Variants in SCN11A observed in about 807,000 individuals in gnomAD.
The protein encoded by SCN11A is sodium voltage-gated channel alpha subunit 11, also known as sodium channel protein type 11 subunit alpha.
In SCN11A, 122 loss-of-function variants were observed where a neutral mutation model predicts 162.2. The observed-to-expected ratio is 0.75, with a 90% CI of 0.65 to 0.87. The LOEUF is 0.87. Ranked by LOEUF, SCN11A falls within the 40% of genes least tolerant of loss-of-function variation. The pLI is 0.00. For missense variants in SCN11A, 2,015 were observed against 2,181.6 expected, an observed-to-expected ratio of 0.92 and a Z score of 1.52; for synonymous variants, 758 against 751.5, an observed-to-expected ratio of 1.01 and a Z score of -0.14.
rs2126074577 is a variant in SCN11A, at chr3:38,846,169, A to AGTGGCAC, written c.*518_*524dup. On this transcript the variant is annotated 3_prime_UTR_variant, in exon 30 of 30. Coordinates refer to ENST00000302328, the MANE Select transcript of SCN11A (RefSeq NM_001349253.2). ...TCACTCTGTCACCAGGCTGGAGTGC[A>AGTGGCAC]GTGGCACGATCTTGGCTCACTGCAA... is the stretch of plus-strand genomic sequence containing the variant. 1 of 153,582 alleles carries AGTGGCAC rather than the reference A, an allele frequency of 6.5e-6. No homozygotes were observed. Among genetic ancestry groups the AGTGGCAC allele is most frequent in the South Asian group, 2.0e-4 (1 of 4,928 alleles). The allele number at this position is 153,582 out of a possible 1,614,324, so 9.5% of individuals were successfully genotyped here. A position where few individuals can be genotyped will look rare whatever the true frequency, so the allele number is the denominator to read the frequency against.
At chr3:38,977,044 A>G (rs2066853940) in intron 2 of SCN11A, among the ~76,000 whole-genome samples, 1 of 152,192 alleles carries the variant, frequency 6.6e-6, no homozygotes, top group Non-Finnish European at 1.5e-5. Flanking sequence ...TGAGCATCCA[A>G]CTTCTCAAAA....
At position 38,976,792 on chromosome 3, in the gene SCN11A, C is replaced by A. The variant is rs981520913; in HGVS notation, c.-279-16369G>T. 2.0e-5 allele frequency among the ~76,000 whole-genome samples: 3 copies of A among 152,160 alleles called. No individual in the cohort carries two copies. The South Asian group carries it at 6.2e-4, about 32-fold the overall frequency. On this transcript the variant is annotated intron_variant, in intron 2 of 29. Coordinates refer to ENST00000302328, the MANE Select transcript of SCN11A (RefSeq NM_001349253.2). ...ACACTTGCACCCAGGATCTCTAATT[C>A]TTCTTGCTCATCATGCCCAGCAATT...
At chr3:38,978,334 C>T (rs1279658094) in intron 2 of SCN11A, among the ~76,000 whole-genome samples, 1 of 152,142 alleles carries the variant, frequency 6.6e-6, no homozygotes, top group East Asian at 1.9e-4. Context: ...CTGTATGTCA[C>T]TCCTGTTCAT....
intron 23 of SCN11A, among the ~76,000 whole-genome samples, chr3:38,872,811 G>A (rs1053690670): frequency 1.3e-4 from 20 of 151,764 alleles, no homozygotes; most frequent in African/African-American, 4.6e-4. Context: ...AGTTTAGGGG[G>A]AAAAAAAGAG....
rs1205796789 is a variant in SCN11A, at chr3:38,960,272, A to G, written c.-139+11T>C. Among the ~76,000 whole-genome samples the G allele has an allele frequency of 3.3e-5, 5 of 152,188 alleles. No individual in the cohort carries two copies. The East Asian group carries it at 9.6e-4, about 29-fold the overall frequency. On this transcript the variant is annotated intron_variant, in intron 3 of 29. Transcript: ENST00000302328. ...AACAGAACAGGCCTGCACCCGGCCCAGAGGACTTACCTGACTTCTTGGTAA... is the reference window on the plus strand; with the variant it reads ...AACAGAACAGGCCTGCACCCGGCCCGGAGGACTTACCTGACTTCTTGGTAA...
chr3:38,968,190 C>T (rs1297805056), intron 2 of SCN11A, among the ~76,000 whole-genome samples: 1 of 152,160 alleles, frequency 6.6e-6, no homozygotes, highest in South Asian at 2.1e-4. Context: ...TCTCAGTGTT[C>T]ACTGGTTTTC....
chr3:38,945,868 C>T (rs2066509476), intron 6 of SCN11A, among the ~76,000 whole-genome samples: 1 of 152,134 alleles, frequency 6.6e-6, no homozygotes. Context: ...CTTTGTTTTC[C>T]CCCCTTCTGC....
chr3:39,044,922 T>TAA (rs146431374), intron 1 of SCN11A, among the ~76,000 whole-genome samples: 1 of 151,134 alleles, frequency 6.6e-6, no homozygotes, highest in Non-Finnish European at 1.5e-5. Flanking sequence ...AGAGTAATTT[T>TAA]AAAAAAAGAG....
chr3:39,004,495 A>T (rs979893597), intron 2 of SCN11A, among the ~76,000 whole-genome samples: 1 of 151,982 alleles, frequency 6.6e-6, no homozygotes, highest in African/African-American at 2.4e-5. Flanking sequence ...GATTGTCTTG[A>T]GTATTTGGGC....
chr3:38,859,624 C>T (rs35277257), intron 28 of SCN11A, among the ~76,000 whole-genome samples: 14,890 of 152,066 alleles, frequency 0.098, 867 homozygotes, highest in Middle Eastern at 0.16. Flanking sequence ...CTTATGGAAC[C>T]GCATTTGCAA....
chr3:38,871,299 C>G, intron 25 of SCN11A, 146 bp downstream of exon 25: 1 of 790,994 alleles, frequency 1.3e-6, no homozygotes, highest in Non-Finnish European at 1.9e-6. Flanking sequence ...GAGGACAATT[C>G]CAGAAGGCAT....
chr3:39,013,554 AG>A (rs1559574282), intron 2 of SCN11A, among the ~76,000 whole-genome samples: 1 of 152,186 alleles, frequency 6.6e-6, no homozygotes, highest in Non-Finnish European at 1.5e-5. Context: ...AGGAAGTCAC[AG>A]GAAGAAAGGG....
chr3:38,886,878 C>T (rs2065409278), intron 19 of SCN11A, among the ~76,000 whole-genome samples: 1 of 152,116 alleles, frequency 6.6e-6, no homozygotes, highest in Non-Finnish European at 1.5e-5. Flanking sequence ...TGTAACCAAG[C>T]AGCTTGGCAG....
chr3:38,900,931 T>C (rs921287311), intron 16 of SCN11A, among the ~76,000 whole-genome samples: 1 of 152,172 alleles, frequency 6.6e-6, no homozygotes, highest in Non-Finnish European at 1.5e-5. Flanking sequence ...AATAAATCTG[T>C]CTTCCATATC....
chr3:39,041,759 C>T (rs2032052954), intron 1 of SCN11A, among the ~76,000 whole-genome samples: 1 of 151,880 alleles, frequency 6.6e-6, no homozygotes, highest in Non-Finnish European at 1.5e-5. Flanking sequence ...CACAAAAGTA[C>T]AAAACTAACT....
chr3:38,934,839 G>A (rs1575311812), intron 7 of SCN11A, among the ~76,000 whole-genome samples: 2 of 151,812 alleles, frequency 1.3e-5, no homozygotes, highest in African/African-American at 4.8e-5. Context: ...AGTTAACAAG[G>A]ATACCCAGGA....
At chr3:38,861,157 A>G (rs2064957183) in intron 28 of SCN11A, among the ~76,000 whole-genome samples, 1 of 152,182 alleles carries the variant, frequency 6.6e-6, no homozygotes, top group Non-Finnish European at 1.5e-5. Flanking sequence ...GCAGAAAAAA[A>G]TAAAATACTT....
At chr3:38,908,959 C>T (rs781086565) in intron 13 of SCN11A, 38 bp downstream of exon 13, 4 of 1,600,008 alleles carry the variant, frequency 2.5e-6, no homozygotes, top group Non-Finnish European at 3.4e-6. Flanking sequence ...CCTTCCCCTC[C>T]CCAGAGCAGA....
intron 2 of SCN11A, among the ~76,000 whole-genome samples, chr3:38,978,506 C>T (rs765041706): frequency 1.3e-5 from 2 of 152,060 alleles, no homozygotes; most frequent in Non-Finnish European, 2.9e-5. Flanking sequence ...ATTAGCTGGA[C>T]GTGGTGGCAC....
Sources: gnomAD v4.1 joint callset for allele counts (sites outside exome capture counted in the v4.1 genomes callset) on GRCh38, gnomAD v4.1.1 for gene constraint, MANE v1.5 for transcripts, NCBI Gene and HGNC (gene_info 2026-07-23, HGNC 2026-07-21) for gene names.